NGLY1: variants seen among roughly 807,000 people sequenced by gnomAD.
The protein encoded by NGLY1 is peptide-N(4)-(N-acetyl-beta-glucosaminyl)asparagine amidase.
In NGLY1, 68 loss-of-function variants were observed where a neutral mutation model predicts 84.6. That is an observed-to-expected ratio of 0.80 (90% confidence interval 0.66 to 0.98). NGLY1 has a LOEUF of 0.98. NGLY1 is among the 50% of genes least tolerant of loss of function. The pLI is 0.00. For synonymous variants in NGLY1, 280 were observed against 275.2 expected, an observed-to-expected ratio of 1.02 and a Z score of -0.17; for missense variants, 779 against 770.2, an observed-to-expected ratio of 1.01 and a Z score of -0.14.
At chr3:25,789,242 TGTGACAATGGAGACAATTTTTGA>T (rs1708669542) in intron 1 of NGLY1, among the ~76,000 whole-genome samples, 1 of 152,284 alleles carries the variant, frequency 6.6e-6, no homozygotes, top group African/African-American at 2.4e-5. Flanking sequence ...ATGTCTCCAT[TGTGACAATGGAGACAATTTTTGA>T]GCACTGTCTC....
At chr3:25,760,859 T>C (rs1707288127) in intron 3 of NGLY1, among the ~76,000 whole-genome samples, 1 of 30,310 alleles carries the variant, frequency 3.3e-5, no homozygotes, top group Non-Finnish European at 6.6e-5. Context: ...AAACTCTGTC[T>C]CAAAAAAAAA....
At chr3:25,754,955 A>T in intron 3 of NGLY1, 2 of 741,860 alleles carry the variant, frequency 2.7e-6, no homozygotes, top group African/African-American at 1.7e-5. Flanking sequence ...ACTTCCCAAG[A>T]ACGCTCCTAG....
At chr3:25,773,907 T>C (rs568125111) in intron 2 of NGLY1, among the ~76,000 whole-genome samples, 3 of 152,322 alleles carry the variant, frequency 2.0e-5, no homozygotes, top group African/African-American at 7.2e-5. Context: ...AGCAAACCAG[T>C]AGAGCTACTG....
At chr3:25,744,488 T>C (rs960183236) in intron 4 of NGLY1, among the ~76,000 whole-genome samples, 8 of 152,148 alleles carry the variant, frequency 5.3e-5, no homozygotes, top group African/African-American at 1.9e-4. Context: ...AACAGTGCAC[T>C]GCACTAATGA....
intron 3 of NGLY1, 47 bp from the exon 4 acceptor site, chr3:25,751,310 C>T: frequency 7.2e-7 from 1 of 1,389,840 alleles, no homozygotes; most frequent in Non-Finnish European, 9.5e-7. Flanking sequence ...CCATATGCTA[C>T]AAAAATAATA....
chr3:25,755,189 G>A (rs1017321014), intron 3 of NGLY1: 3 of 1,324,126 alleles, frequency 2.3e-6, no homozygotes, highest in African/African-American at 2.9e-5. Flanking sequence ...TCCCCCAAGA[G>A]GTTTCTTACT....
intron 3 of NGLY1, among the ~76,000 whole-genome samples, chr3:25,753,416 C>T (rs1706860189): frequency 1.3e-5 from 1 of 76,724 alleles, no homozygotes; most frequent in African/African-American, 2.6e-5. Context: ...GTTATTATAG[C>T]CAAAAAAAAT....
intron 4 of NGLY1, among the ~76,000 whole-genome samples, chr3:25,750,307 A>G (rs1706668323): frequency 6.6e-6 from 1 of 152,196 alleles, no homozygotes; most frequent in Non-Finnish European, 1.5e-5. Context: ...AAGGATTACA[A>G]TTCAAGGTGA....
intron 3 of NGLY1, 85 bp downstream of exon 3, chr3:25,763,981 G>A: frequency 2.0e-6 from 3 of 1,504,450 alleles, no homozygotes; most frequent in Non-Finnish European, 2.7e-6. Context: ...CATAAATTCA[G>A]GAATAAATCA....
intron 2 of NGLY1, among the ~76,000 whole-genome samples, chr3:25,775,409 G>A (rs983148684): frequency 6.6e-6 from 1 of 152,124 alleles, no homozygotes; most frequent in African/African-American, 2.4e-5. Context: ...ATAGATGAAT[G>A]GATAAAGAAT....
intron 1 of NGLY1, chr3:25,782,622 G>C (rs1708470432): frequency 6.6e-6 from 1 of 152,144 alleles, no homozygotes; most frequent in African/African-American, 2.4e-5. Flanking sequence ...AATTCTTAAA[G>C]GGTTATGTTA....
At chr3:25,758,855 C>G (rs769736342) in intron 3 of NGLY1, among the ~76,000 whole-genome samples, 3 of 152,038 alleles carry the variant, frequency 2.0e-5, no homozygotes, top group Admixed American at 2.0e-4. Context: ...CATGGAGGAC[C>G]AGGGATATTT....
At chr3:25,754,885 C>T (rs1706955206) in intron 3 of NGLY1, 1 of 660,744 alleles carries the variant, frequency 1.5e-6, no homozygotes, top group African/African-American at 1.8e-5. Flanking sequence ...TTAAAGACTA[C>T]CAATAGGCTC....
chr3:25,770,957 G>T (rs968355598), intron 2 of NGLY1, among the ~76,000 whole-genome samples: 1 of 151,846 alleles, frequency 6.6e-6, no homozygotes, highest in Non-Finnish European at 1.5e-5. Context: ...GTCCTTTGTC[G>T]GATACTTAGT....
chr3:25,756,919 T>C (rs1047267794), intron 3 of NGLY1, among the ~76,000 whole-genome samples: 2 of 152,350 alleles, frequency 1.3e-5, no homozygotes, highest in Non-Finnish European at 2.9e-5. Flanking sequence ...TTTCCTCTTA[T>C]ACACATCTTA....
At chr3:25,722,808 G>A (rs1705070380) in intron 10 of NGLY1, among the ~76,000 whole-genome samples, 1 of 152,148 alleles carries the variant, frequency 6.6e-6, no homozygotes, top group Non-Finnish European at 1.5e-5. Flanking sequence ...TTCCCCGGGA[G>A]TCATTAGTTT....
intron 3 of NGLY1, chr3:25,754,855 C>T (rs1697255898): frequency 3.7e-6 from 2 of 540,372 alleles, no homozygotes; most frequent in East Asian, 6.5e-5. Context: ...AGGAGAAAAA[C>T]CATGAAATGA....
upstream of NGLY1, among the ~76,000 whole-genome samples, chr3:25,785,776 C>G (rs752620523): frequency 2.0e-5 from 3 of 152,228 alleles, no homozygotes; most frequent in Non-Finnish European, 2.9e-5. Context: ...GGGCAGAAAG[C>G]TGTCAGCTAA....
intron 8 of NGLY1, 117 bp downstream of exon 8, chr3:25,733,755 A>T: frequency 2.1e-6 from 1 of 485,998 alleles, no homozygotes; most frequent in Non-Finnish European, 3.4e-6. Flanking sequence ...ATATTAAAAT[A>T]TTCTTGTTTA....
Sources: gnomAD v4.1 joint callset for allele counts (sites outside exome capture counted in the v4.1 genomes callset) on GRCh38, gnomAD v4.1.1 for gene constraint, MANE v1.5 for transcripts, NCBI Gene and HGNC (gene_info 2026-07-23, HGNC 2026-07-21) for gene names.